The following HS6ST3 variants were observed in gnomAD, a reference collection of about 807,000 sequenced individuals.
The protein encoded by HS6ST3 is heparan-sulfate 6-O-sulfotransferase 3.
HS6ST3 carries 12 observed loss-of-function variants against 36.7 expected under a neutral mutation model. That is an observed-to-expected ratio of 0.33 (90% confidence interval 0.21 to 0.53). The LOEUF (loss-of-function observed/expected upper bound fraction) is 0.53. HS6ST3 is among the 20% of genes least tolerant of loss of function. HS6ST3 has a pLI of 0.95. For missense variants in HS6ST3, 584 were observed against 640.9 expected (o/e 0.91, Z 0.96); for synonymous variants, 240 against 257.5 (o/e 0.93, Z 0.65).
At chr13:96,354,780 C>T (rs1214089146) in intron 1 of HS6ST3, among the ~76,000 whole-genome samples, 2 of 151,894 alleles carry the variant, frequency 1.3e-5, no homozygotes, top group Non-Finnish European at 2.9e-5. Flanking sequence ...GTTTAAAGTA[C>T]CCTGAAAAAA....
chr13:96,634,643 A>T (rs2056542923), intron 1 of HS6ST3, among the ~76,000 whole-genome samples: 1 of 152,142 alleles, frequency 6.6e-6, no homozygotes, highest in South Asian at 2.1e-4. Flanking sequence ...TGTGGCATTA[A>T]CACTCTTTCC....
At chr13:96,583,491 T>A (rs370743163) in intron 1 of HS6ST3, among the ~76,000 whole-genome samples, 1 of 152,050 alleles carries the variant, frequency 6.6e-6, no homozygotes, top group African/African-American at 2.4e-5. Context: ...CGATTACAGA[T>A]GTGAGCACCC....
At chr13:96,371,064 T>A (rs1192111019) in intron 1 of HS6ST3, among the ~76,000 whole-genome samples, 1 of 152,264 alleles carries the variant, frequency 6.6e-6, no homozygotes, top group East Asian at 1.9e-4. Flanking sequence ...TCTAAGTCAT[T>A]AATGCTGTGT....
At chr13:96,112,622 T>TATATATGC (rs2053876023) in intron 1 of HS6ST3, among the ~76,000 whole-genome samples, 1 of 130,534 alleles carries the variant, frequency 7.7e-6, no homozygotes, top group East Asian at 2.3e-4. Context: ...TATATATATA[T>TATATATGC]GCCCGGCTGG....
intron 1 of HS6ST3, among the ~76,000 whole-genome samples, chr13:96,552,905 G>A (rs998983074): frequency 6.6e-6 from 1 of 152,202 alleles, no homozygotes; most frequent in African/African-American, 2.4e-5. Flanking sequence ...GAACTGGAGT[G>A]CAGGCAGAAG....
At chr13:96,744,347 T>C (rs2138487300) in intron 1 of HS6ST3, among the ~76,000 whole-genome samples, 1 of 152,136 alleles carries the variant, frequency 6.6e-6, no homozygotes, top group Middle Eastern at 3.4e-3. Context: ...ACACTGCAGG[T>C]AAACAACAAG....
chr13:96,734,874 T>G (rs936413370), intron 1 of HS6ST3, among the ~76,000 whole-genome samples: 1 of 152,132 alleles, frequency 6.6e-6, no homozygotes, highest in Non-Finnish European at 1.5e-5. Context: ...TAGCTTCTAC[T>G]AATGGGTATT....
rs113811726 is a variant in HS6ST3, at chr13:96,715,012, G to T, written c.708-117478G>T. 6.9e-4 allele frequency among the ~76,000 whole-genome samples: 105 copies of T among 152,126 alleles called. 2 individuals carry two copies. The highest frequency in any genetic ancestry group is 2.4e-3 in the African/African-American group (99 of 41,492). ...TGTAAGTGACCACACCTGGCCCTAGGATATTTATGATTATTTATAATAGTG... is the reference window on the plus strand; with the variant it reads ...TGTAAGTGACCACACCTGGCCCTAGTATATTTATGATTATTTATAATAGTG... On this transcript the variant is annotated intron_variant, in intron 1 of 1. Coordinates refer to ENST00000376705, the MANE Select transcript of HS6ST3 (RefSeq NM_153456.4).
chr13:96,174,783 A>G (rs2054204871), intron 1 of HS6ST3, among the ~76,000 whole-genome samples: 1 of 152,192 alleles, frequency 6.6e-6, no homozygotes, highest in Non-Finnish European at 1.5e-5. Context: ...TTCAGAGAAT[A>G]TAGTCTTACA....
intron 1 of HS6ST3, among the ~76,000 whole-genome samples, chr13:96,487,858 CT>C (rs2055923566): frequency 6.6e-6 from 1 of 152,102 alleles, no homozygotes; most frequent in African/African-American, 2.4e-5. Flanking sequence ...GTAATGCATA[CT>C]TGGTTTTTTG....
At chr13:96,273,032 G>T (rs183356318) in intron 1 of HS6ST3, among the ~76,000 whole-genome samples, 1 of 151,878 alleles carries the variant, frequency 6.6e-6, no homozygotes, top group Admixed American at 6.6e-5. Flanking sequence ...TTTAGAAAAG[G>T]AATCCTACAC....
intron 1 of HS6ST3, among the ~76,000 whole-genome samples, chr13:96,734,499 C>A (rs990778474): frequency 3.3e-5 from 5 of 152,130 alleles, no homozygotes; most frequent in African/African-American, 9.7e-5. Context: ...GAGGAGGGAA[C>A]TGAAATTAAA....
At chr13:96,332,152 C>G (rs553215913) in intron 1 of HS6ST3, among the ~76,000 whole-genome samples, 22 of 152,340 alleles carry the variant, frequency 1.4e-4, no homozygotes, top group East Asian at 3.9e-4. Flanking sequence ...CTGTGTCGCT[C>G]GTGCTGGGAG....
chr13:96,207,326 G>C (rs149522244), intron 1 of HS6ST3, among the ~76,000 whole-genome samples: 2 of 152,136 alleles, frequency 1.3e-5, no homozygotes, highest in East Asian at 3.9e-4. Flanking sequence ...TAAGGTTGCA[G>C]AGAAAAAGGA....
At chr13:96,411,066 A>G (rs2055505024) in intron 1 of HS6ST3, among the ~76,000 whole-genome samples, 1 of 152,224 alleles carries the variant, frequency 6.6e-6, no homozygotes, top group Non-Finnish European at 1.5e-5. Flanking sequence ...TGGGTGAAAA[A>G]AGTAACCAGT....
intron 1 of HS6ST3, among the ~76,000 whole-genome samples, chr13:96,108,157 G>A (rs193110918): frequency 6.6e-6 from 1 of 152,124 alleles, no homozygotes; most frequent in African/African-American, 2.4e-5. Flanking sequence ...ATAATTAACA[G>A]TCCTGGAAAA....
rs553023452 is a variant in HS6ST3, at chr13:96,390,660, C to T, written c.707+299091C>T. Among the ~76,000 whole-genome samples, 59 of 152,336 alleles carry T rather than the reference C, an allele frequency of 3.9e-4. 1 individual carries two copies. Among genetic ancestry groups the T allele is most frequent in the African/African-American group, 1.4e-3 (57 of 41,576 alleles). On this transcript the variant is annotated intron_variant, in intron 1 of 1. Transcript: ENST00000376705. ...TTCCAGTCTTCAACAGATTCTTCCC[C>T]TTCTCTTGTCTACAACACTCAATCT... is the stretch of plus-strand genomic sequence containing the variant.
intron 1 of HS6ST3, among the ~76,000 whole-genome samples, chr13:96,603,096 C>G (rs776959611): frequency 2.0e-5 from 3 of 152,092 alleles, no homozygotes; most frequent in Non-Finnish European, 4.4e-5. Flanking sequence ...GATGGAGCAT[C>G]TTACTCTGCC....
chr13:96,635,889 C>G (rs1029667277), intron 1 of HS6ST3, among the ~76,000 whole-genome samples: 1 of 152,090 alleles, frequency 6.6e-6, no homozygotes, highest in Non-Finnish European at 1.5e-5. Context: ...TAATACTACA[C>G]GCAGGGTATA....
Sources: allele counts gnomAD v4.1 joint callset (sites outside exome capture counted in the v4.1 genomes callset), GRCh38; gene constraint gnomAD v4.1.1; transcripts MANE v1.5; gene names NCBI Gene and HGNC (gene_info 2026-07-23, HGNC 2026-07-21).